The following ALG5 variants were observed in gnomAD, a reference collection of about 807,000 sequenced individuals.
The protein encoded by ALG5 is dolichyl-phosphate beta-glucosyltransferase.
A neutral mutation model predicts 51.8 loss-of-function variants in ALG5; 26 were observed. The observed-to-expected ratio is 0.50, with a 90% CI of 0.37 to 0.70. The LOEUF (loss-of-function observed/expected upper bound fraction) is 0.70, where lower values mean the gene tolerates loss of function less well. Ranked by LOEUF, ALG5 falls within the 30% of genes least tolerant of loss-of-function variation. The pLI is 0.00. For synonymous variants in ALG5, 141 were observed against 136.1 expected (o/e 1.04, Z -0.25); for missense variants, 311 against 399.3 (o/e 0.78, Z 1.88).
At chr13:36,955,609 A>G (rs1300669258) in intron 8 of ALG5, among the ~76,000 whole-genome samples, 1 of 150,752 alleles carries the variant, frequency 6.6e-6, no homozygotes, top group African/African-American at 2.4e-5. Flanking sequence ...AAAAGAAGAG[A>G]GAAGATAAAA....
chr13:36,972,845 A>C (rs898336282), intron 6 of ALG5, among the ~76,000 whole-genome samples: 1 of 151,958 alleles, frequency 6.6e-6, no homozygotes, highest in East Asian at 1.9e-4. Context: ...TCACAAAATT[A>C]GCTGGGCGTG....
intron 3 of ALG5, among the ~76,000 whole-genome samples, chr13:36,994,047 C>T (rs979818981): frequency 1.3e-5 from 2 of 152,148 alleles, no homozygotes; most frequent in African/African-American, 2.4e-5. Flanking sequence ...TTGGCTGCAG[C>T]ATTTCTTAGC....
intron 7 of ALG5, among the ~76,000 whole-genome samples, chr13:36,966,950 C>T (rs771815552): frequency 6.6e-5 from 10 of 152,094 alleles, no homozygotes; most frequent in South Asian, 6.2e-4. Context: ...AGGCGAGGTG[C>T]GGTGGCTCAC....
intron 6 of ALG5, among the ~76,000 whole-genome samples, chr13:36,974,571 A>G (rs575797326): frequency 9.2e-5 from 14 of 152,274 alleles, no homozygotes; most frequent in Non-Finnish European, 1.6e-4. Context: ...TATTCATGTT[A>G]AAGTTTATTG....
At chr13:36,986,244 A>C (rs2059001292) in intron 5 of ALG5, among the ~76,000 whole-genome samples, 1 of 152,178 alleles carries the variant, frequency 6.6e-6, no homozygotes, top group Admixed American at 6.5e-5. Flanking sequence ...TAAAGAAATA[A>C]AAAGTGTCAA....
rs368835581 is a variant in ALG5, at chr13:36,999,307, T to A, written c.-7A>T. On this transcript the variant is annotated 5_prime_UTR_variant, in exon 1 of 10. An upstream start codon of the reference 5' UTR is lost. Coordinates refer to ENST00000239891, the MANE Select transcript of ALG5 (RefSeq NM_013338.5). Reference sequence around the variant, plus strand: ...GCAACAGAAGCGGAGCCATTCTCCATGCCGTGGCAGCCCGCCCAATCCCGC... The same window carrying A: ...GCAACAGAAGCGGAGCCATTCTCCAAGCCGTGGCAGCCCGCCCAATCCCGC... The A allele has an allele frequency of 1.9e-6, 3 of 1,569,712 alleles. No individual in the cohort carries two copies. Among genetic ancestry groups the A allele is most frequent in the African/African-American group, 2.8e-5 (2 of 71,060 alleles).
chr13:36,984,629 C>A (rs1387836768), intron 6 of ALG5, among the ~76,000 whole-genome samples: 2 of 152,124 alleles, frequency 1.3e-5, no homozygotes, highest in Non-Finnish European at 2.9e-5. Context: ...TCATGATTAA[C>A]ATGGGCAGCT....
intron 8 of ALG5, among the ~76,000 whole-genome samples, chr13:36,954,972 A>G (rs932826171): frequency 6.6e-6 from 1 of 152,206 alleles, no homozygotes; most frequent in South Asian, 2.1e-4. Flanking sequence ...GAACATGGAC[A>G]GGACAGTGGG....
At chr13:36,982,042 G>A in intron 6 of ALG5, among the ~76,000 whole-genome samples, 1 of 152,246 alleles carries the variant, frequency 6.6e-6, no homozygotes, top group Non-Finnish European at 1.5e-5. Flanking sequence ...AGTAAGCTGA[G>A]ATTGCGCCAC....
chr13:36,994,452 T>C (rs1375492238), intron 3 of ALG5, among the ~76,000 whole-genome samples: 1 of 152,130 alleles, frequency 6.6e-6, no homozygotes, highest in Non-Finnish European at 1.5e-5. Flanking sequence ...GAAGAAAATG[T>C]GAGGGGAGAC....
rs1194469522 is a variant in ALG5 at position 36,965,571 on chromosome 13, C to T, written c.773+4G>A. The T allele has an allele frequency of 6.2e-7, 1 of 1,612,620 alleles. No homozygotes were observed. The highest frequency in any genetic ancestry group is 2.2e-5 in the East Asian group (1 of 44,822). ...GACTGGATACATTCCAGTCAGAAAC[C>T]TACCATCGTTCAACGTGTAGAGATG... On this transcript the variant is annotated splice_donor_region_variant and intron_variant, in intron 8 of 9. Coordinates refer to ENST00000239891, the MANE Select transcript of ALG5 (RefSeq NM_013338.5).
At chr13:36,967,163 C>A (rs998903810) in intron 7 of ALG5, among the ~76,000 whole-genome samples, 3 of 145,714 alleles carry the variant, frequency 2.1e-5, no homozygotes, top group African/African-American at 7.7e-5. Flanking sequence ...GCACAGGTTG[C>A]AATGAGCCGA....
Position 36,995,419 on chromosome 13 carries a change from G to A in ALG5, c.238+6C>T, listed in dbSNP as rs780996137. 3.1e-6 allele frequency: 5 copies of A among 1,605,956 alleles called. No individual in the cohort carries two copies. The highest frequency in any genetic ancestry group is 4.2e-6 in the Non-Finnish European group (5 of 1,177,998). Reference sequence around the variant, plus strand: ...CCTTTACCAAAAAAATCAAAACAGGGCTTACACCGTTTTTCTTCATTGTAT... The same window carrying A: ...CCTTTACCAAAAAAATCAAAACAGGACTTACACCGTTTTTCTTCATTGTAT... On this transcript the variant is annotated splice_donor_region_variant and intron_variant, in intron 2 of 9. Coordinates refer to ENST00000239891, the MANE Select transcript of ALG5 (RefSeq NM_013338.5).
intron 6 of ALG5, among the ~76,000 whole-genome samples, chr13:36,980,266 T>C (rs1271631173): frequency 2.0e-5 from 3 of 152,132 alleles, no homozygotes; most frequent in African/African-American, 7.2e-5. Flanking sequence ...ACAGAGTCTC[T>C]CTCTGTTGAC....
intron 9 of ALG5, among the ~76,000 whole-genome samples, chr13:36,951,624 A>G (rs888162777): frequency 1.3e-5 from 2 of 152,218 alleles, no homozygotes; most frequent in Non-Finnish European, 2.9e-5. Flanking sequence ...TTAAAATTCT[A>G]TACAGCCAGA....
At chr13:36,994,860 C>T in intron 3 of ALG5, 129 bp downstream of exon 3, 2 of 731,696 alleles carry the variant, frequency 2.7e-6, no homozygotes, top group East Asian at 5.3e-5. Context: ...AACAAGCAAG[C>T]AGCAGGTGGC....
intron 8 of ALG5, among the ~76,000 whole-genome samples, chr13:36,958,899 C>G (rs752873816): frequency 1.3e-5 from 2 of 151,924 alleles, no homozygotes; most frequent in African/African-American, 2.4e-5. Flanking sequence ...CCCAGGCATT[C>G]GAGCAGGAAG....
Position 36,952,505 on chromosome 13 carries a change from T to C in ALG5, c.859+9A>G. 6.3e-7 allele frequency: 1 copy of C among 1,580,424 alleles called. No individual in the cohort carries two copies. Among genetic ancestry groups the C allele is most frequent in the Non-Finnish European group, 8.6e-7 (1 of 1,160,976 alleles). On this transcript the variant is annotated intron_variant, in intron 9 of 9. Transcript: ENST00000239891. Reference sequence around the variant, plus strand: ...CTCAAGACAATCATACAATAAACAATATACTCACCTTCAATTTCTGTCCAG... The same window carrying C: ...CTCAAGACAATCATACAATAAACAACATACTCACCTTCAATTTCTGTCCAG...
chr13:36,979,547 C>T (rs529386919), intron 6 of ALG5, among the ~76,000 whole-genome samples: 1 of 152,192 alleles, frequency 6.6e-6, no homozygotes, highest in Admixed American at 6.5e-5. Flanking sequence ...TAGAACTGGC[C>T]AAGGATTACT....
Sources: allele counts gnomAD v4.1 joint callset (sites outside exome capture counted in the v4.1 genomes callset), GRCh38; gene constraint gnomAD v4.1.1; transcripts MANE v1.5; gene names NCBI Gene and HGNC (gene_info 2026-07-23, HGNC 2026-07-21).